Variants in BIRC6 observed in about 807,000 individuals in gnomAD.
The protein encoded by BIRC6 is dual E2 ubiquitin-conjugating enzyme/E3 ubiquitin-protein ligase BIRC6.
In BIRC6, 98 loss-of-function variants were observed where a neutral mutation model predicts 503.3. That is an observed-to-expected ratio of 0.19 (90% CI 0.17 to 0.23). BIRC6 has a LOEUF of 0.23. Among genes scored for constraint, BIRC6 ranks in the 10% least tolerant of loss-of-function variants. The pLI, the probability that BIRC6 is intolerant of heterozygous loss-of-function variation, is 1.00. For synonymous variants in BIRC6, 2,240 were observed against 2,078.7 expected, an observed-to-expected ratio of 1.08 and a Z score of -2.11; for missense variants, 5,360 against 5,806.0, an observed-to-expected ratio of 0.92 and a Z score of 2.50.
chr2:32,537,028 G>C (rs1250625950), intron 61 of BIRC6, among the ~76,000 whole-genome samples: 1 of 152,172 alleles, frequency 6.6e-6, no homozygotes, highest in East Asian at 1.9e-4. Flanking sequence ...AAGCAATTGT[G>C]AATGGGAGTT....
At chr2:32,607,955 GC>G in intron 72 of BIRC6, among the ~76,000 whole-genome samples, 1 of 106,500 alleles carries the variant, frequency 9.4e-6, no homozygotes, top group East Asian at 3.2e-4. Context: ...CTGGGTGACA[GC>G]AGAGCAAGAC....
At chr2:32,376,821 A>G (rs184593935) in intron 1 of BIRC6, among the ~76,000 whole-genome samples, 4 of 152,366 alleles carry the variant, frequency 2.6e-5, no homozygotes, top group Non-Finnish European at 4.4e-5. Context: ...AACAATTACA[A>G]TATATTAGGA....
chr2:32,532,759 A>G (rs995105860), intron 61 of BIRC6, among the ~76,000 whole-genome samples: 10 of 152,210 alleles, frequency 6.6e-5, no homozygotes, highest in Non-Finnish European at 1.5e-4. Context: ...TTACTAGACA[A>G]TGACATAATT....
At chr2:32,450,591 C>T (rs1413891160) in intron 22 of BIRC6, among the ~76,000 whole-genome samples, 3 of 152,166 alleles carry the variant, frequency 2.0e-5, no homozygotes, top group African/African-American at 7.2e-5. Flanking sequence ...ATGTAAATGT[C>T]ATTCATGATA....
intron 1 of BIRC6, among the ~76,000 whole-genome samples, chr2:32,370,318 A>AAG (rs4019435): frequency 0.67 from 100,992 of 151,780 alleles, 34,197 homozygotes; most frequent in African/African-American, 0.79. Context: ...ATAGCAAAGT[A>AAG]AGTGGTCTGA....
At chr2:32,507,850 G>A (rs368143863) in intron 50 of BIRC6, 130 bp from the exon 51 acceptor site, 30 of 770,828 alleles carry the variant, frequency 3.9e-5, no homozygotes, top group African/African-American at 1.1e-4. Flanking sequence ...ATATTTTGTT[G>A]TATAAGTTTT....
intron 61 of BIRC6, among the ~76,000 whole-genome samples, chr2:32,537,394 G>C (rs2057321693): frequency 6.6e-6 from 1 of 152,146 alleles, no homozygotes; most frequent in Non-Finnish European, 1.5e-5. Flanking sequence ...TAAAAGAAGA[G>C]AAATAATAAC....
At chr2:32,591,946 G>A (rs986205231) in intron 66 of BIRC6, among the ~76,000 whole-genome samples, 6 of 152,142 alleles carry the variant, frequency 3.9e-5, no homozygotes, top group Non-Finnish European at 7.4e-5. Context: ...ATTGACAAAT[G>A]CAGAAGTTGG....
rs1235420654 is a variant in BIRC6, at chr2:32,505,172, A to G, written c.9667A>G (p.Ile3223Val). Residue 3223 changes from isoleucine to valine, a missense_variant, in exon 50 of 74, where the codon ATA becomes GTA. By Grantham distance (29) the Ile-to-Val change is conservative (BLOSUM62 3). Transcript: ENST00000421745. ...HLPAAVLLKE[I>V]HIQPHLASLA... ...TCCTGCAGCAGTGCTGCTTAAGGAG[A>G]TACATATCCAGCCTCATCTTGCATC... 6.3e-7 allele frequency: 1 copy of G among 1,584,566 alleles called. No individual in the cohort carries two copies. The highest frequency in any genetic ancestry group is 1.3e-5 in the African/African-American group (1 of 74,422).
intron 57 of BIRC6, among the ~76,000 whole-genome samples, chr2:32,520,186 G>A (rs958810879): frequency 1.3e-5 from 2 of 152,210 alleles, no homozygotes; most frequent in African/African-American, 4.8e-5. Flanking sequence ...CAGAGTAAAA[G>A]AGAGAGTTAA....
At chr2:32,467,766 A>C (rs754006152) in intron 27 of BIRC6, 27 bp downstream of exon 27, 1 of 1,579,578 alleles carries the variant, frequency 6.3e-7, no homozygotes, top group Non-Finnish European at 8.6e-7. Context: ...AAGTAAATTG[A>C]TACGCTTTCT....
intron 3 of BIRC6, among the ~76,000 whole-genome samples, chr2:32,383,269 T>C (rs1285120946): frequency 6.6e-6 from 1 of 152,118 alleles, no homozygotes; most frequent in East Asian, 1.9e-4. Flanking sequence ...GGTCTTGAAC[T>C]CCTGACCGTG....
At chr2:32,569,781 T>G (rs1260352768) in intron 65 of BIRC6, among the ~76,000 whole-genome samples, 1 of 152,184 alleles carries the variant, frequency 6.6e-6, no homozygotes, top group African/African-American at 2.4e-5. Flanking sequence ...TATATTAATC[T>G]TATATCCTGA....
chr2:32,580,822 T>C (rs1421041393), intron 66 of BIRC6, among the ~76,000 whole-genome samples: 5 of 152,294 alleles, frequency 3.3e-5, no homozygotes, highest in East Asian at 1.9e-4. Context: ...TCTCATATTA[T>C]GGACTTAATA....
At chr2:32,434,463 A>G (rs1044735891) in intron 13 of BIRC6, among the ~76,000 whole-genome samples, 2 of 152,174 alleles carry the variant, frequency 1.3e-5, no homozygotes, top group Non-Finnish European at 2.9e-5. Context: ...CCAGGAGTCA[A>G]CCAACCTCAG....
chr2:32,438,000 C>T (rs1413581078), intron 15 of BIRC6, among the ~76,000 whole-genome samples: 1 of 152,068 alleles, frequency 6.6e-6, no homozygotes, highest in Admixed American at 6.6e-5. Flanking sequence ...CTGTGTTGCC[C>T]AGGCTGGTCT....
At chr2:32,518,697 A>G in intron 56 of BIRC6, 120 bp from the exon 57 acceptor site, 1 of 1,220,340 alleles carries the variant, frequency 8.2e-7, no homozygotes, top group South Asian at 1.6e-5. Flanking sequence ...CCATATCTAA[A>G]TTAATTATAT....
rs542860434 is a variant in BIRC6 at position 32,442,511 on chromosome 2, G to C, written c.4238+56G>C. 4.0e-4 allele frequency: 596 copies of C among 1,491,884 alleles called. 11 individuals are homozygous for C. In the East Asian group the frequency reaches 0.012, roughly 30 times the overall value. The allele number at this position is 1,491,884 out of a possible 1,614,324, so 92.4% of individuals were successfully genotyped here. A position where few individuals can be genotyped will look rare whatever the true frequency, so the allele number is the denominator to read the frequency against. ...TTCTAGGTACACCTGCAATTTAGTG[G>C]GTGATACCTTGTTTATAGTGTGATT... On this transcript the variant is annotated intron_variant, in intron 19 of 73. Transcript: ENST00000421745.
intron 5 of BIRC6, 138 bp downstream of exon 5, chr2:32,392,288 T>A: frequency 3.2e-6 from 2 of 629,550 alleles, no homozygotes; most frequent in Non-Finnish European, 5.4e-6. Flanking sequence ...ATGCTTGTTT[T>A]TTTGGCCCAG....
Sources: allele counts gnomAD v4.1 joint callset (sites outside exome capture counted in the v4.1 genomes callset), GRCh38; gene constraint gnomAD v4.1.1; transcripts MANE v1.5; gene names NCBI Gene and HGNC (gene_info 2026-07-23, HGNC 2026-07-21).